The following AFF1 variants were observed in gnomAD, a reference collection of about 807,000 sequenced individuals.
AFF1 encodes the protein AF4/FMR2 family member 1.
Under a neutral mutation model 121.7 loss-of-function variants are expected in AFF1, and 48 were observed. The observed-to-expected ratio is 0.39, with a 90% CI of 0.31 to 0.50. The LOEUF (loss-of-function observed/expected upper bound fraction) is 0.50, where lower values mean the gene tolerates loss of function less well. Among genes scored for constraint, AFF1 ranks in the 20% least tolerant of loss-of-function variants. The probability of loss-of-function intolerance (pLI) is 0.76; values close to 1 mark genes in which losing one functional copy is unlikely to be tolerated. For missense variants in AFF1, 1,523 were observed against 1,511.7 expected (o/e 1.01, Z -0.12); for synonymous variants, 613 against 563.0 (o/e 1.09, Z -1.26).
intron 1 of AFF1, chr4:86,936,152 C>T (rs796834313): frequency 2.0e-5 from 3 of 152,288 alleles, no homozygotes; most frequent in African/African-American, 7.2e-5. Flanking sequence ...GGAGATGTGT[C>T]CGAATCTCCC....
rs1357850247 is a variant in AFF1, at chr4:87,136,166, TTTTTC to T, written c.*470_*474del. 1 of 232,834 alleles carries T rather than the reference TTTTTC, an allele frequency of 4.3e-6. No individual in the cohort carries two copies. Among genetic ancestry groups the T allele is most frequent in the African/African-American group, 2.2e-5 (1 of 45,276 alleles). 14.4% of individuals were successfully genotyped at this position (232,834 alleles called of 1,614,324 possible). Reference sequence around the variant, plus strand: ...TGGTAAAGGGTTTTGTGGATGATTTTTTTTCTTTTGAGTTTTGGGAGAAATATTTG... The same window carrying T: ...TGGTAAAGGGTTTTGTGGATGATTTTTTTTGAGTTTTGGGAGAAATATTTG... On this transcript the variant is annotated 3_prime_UTR_variant, in exon 21 of 21. Transcript: ENST00000395146.
chr4:86,935,385 C>CT (rs1286159103), intron 1 of AFF1, 145 bp downstream of exon 1: 1 of 152,268 alleles, frequency 6.6e-6, no homozygotes, highest in Non-Finnish European at 1.5e-5. Context: ...GGCGTTCCCA[C>CT]TTTTCCGGTG....
chr4:87,121,508 C>A (rs994314008), intron 12 of AFF1, among the ~76,000 whole-genome samples: 1 of 152,194 alleles, frequency 6.6e-6, no homozygotes, highest in African/African-American at 2.4e-5. Flanking sequence ...CTGACAAATA[C>A]CGAGTGCCTA....
At chr4:87,115,875 C>T (rs1727072928) in intron 12 of AFF1, among the ~76,000 whole-genome samples, 1 of 151,978 alleles carries the variant, frequency 6.6e-6, no homozygotes, top group Non-Finnish European at 1.5e-5. Context: ...CCTCTGCCTC[C>T]CAAAGTGATG....
At chr4:86,982,487 C>T (rs1281200545) in intron 2 of AFF1, among the ~76,000 whole-genome samples, 1 of 130,174 alleles carries the variant, frequency 7.7e-6, no homozygotes, top group Non-Finnish European at 1.5e-5. Context: ...CCCAGAGTGA[C>T]AGTATTCAGA....
intron 7 of AFF1, 53 bp downstream of exon 7, chr4:87,091,882 CT>C: frequency 1.5e-6 from 2 of 1,335,276 alleles, no homozygotes; most frequent in Non-Finnish European, 2.1e-6. Flanking sequence ...ATAGCTTTTA[CT>C]GTTTAACGTA....
At chr4:86,935,973 T>A (rs1479601724) in intron 1 of AFF1, 1 of 152,064 alleles carries the variant, frequency 6.6e-6, no homozygotes, top group African/African-American at 2.4e-5. Context: ...GTGGAGAGTG[T>A]GAATCACACG....
chr4:87,041,678 G>T (rs1241539473), intron 2 of AFF1, among the ~76,000 whole-genome samples: 1 of 151,598 alleles, frequency 6.6e-6, no homozygotes, highest in Non-Finnish European at 1.5e-5. Context: ...AAAAAAAAAA[G>T]ACACCTTTAT....
intron 4 of AFF1, among the ~76,000 whole-genome samples, chr4:87,060,212 C>T (rs968392376): frequency 6.6e-6 from 1 of 152,118 alleles, no homozygotes; most frequent in Non-Finnish European, 1.5e-5. Context: ...GAGTTCCAGC[C>T]TCATAATTAC....
chr4:87,052,560 G>T (rs1396087533), intron 4 of AFF1, among the ~76,000 whole-genome samples: 3 of 152,124 alleles, frequency 2.0e-5, no homozygotes, highest in African/African-American at 7.2e-5. Context: ...GCCGTGAAAG[G>T]CATTTGGGTA....
chr4:87,081,152 A>ATTTTTTTTTTTTTTTTTT (rs549510832), intron 4 of AFF1, among the ~76,000 whole-genome samples: 2 of 89,718 alleles, frequency 2.2e-5, no homozygotes, highest in African/African-American at 8.8e-5. Flanking sequence ...AATGAAATGA[A>ATTTTTTTTTTTTTTTTTT]TTTTTTTTTT....
At chr4:86,991,148 AAAC>A (rs1191621810) in intron 2 of AFF1, among the ~76,000 whole-genome samples, 1 of 148,884 alleles carries the variant, frequency 6.7e-6, no homozygotes, top group African/African-American at 2.5e-5. Context: ...TCAAAACAAA[AAAC>A]AAAACAAAAA....
chr4:87,068,257 G>GCGCCC (rs1553925971), intron 4 of AFF1, among the ~76,000 whole-genome samples: 1 of 120,132 alleles, frequency 8.3e-6, no homozygotes, highest in Non-Finnish European at 1.7e-5. Flanking sequence ...CATGAAAATT[G>GCGCCC]CCCCCCCCCC....
rs1170458859 is a variant in AFF1 at position 86,956,490 on chromosome 4, TAC to T, written c.38+7921_38+7922del. On this transcript the variant is annotated intron_variant, in intron 2 of 20. Transcript: ENST00000395146. ...TGTAATTTACAAGCTATTTTAAGTATACAGTTTAATTTTTAGTAACTTTACTG... is the reference window on the plus strand; with the variant it reads ...TGTAATTTACAAGCTATTTTAAGTATAGTTTAATTTTTAGTAACTTTACTG... Among the ~76,000 whole-genome samples, 4 of 152,334 alleles carry T rather than the reference TAC, an allele frequency of 2.6e-5. No homozygotes were observed. In the East Asian group the frequency reaches 5.8e-4, roughly 22 times the overall value.
intron 2 of AFF1, among the ~76,000 whole-genome samples, chr4:87,041,693 G>A (rs1454197722): frequency 6.6e-6 from 1 of 151,870 alleles, no homozygotes; most frequent in Non-Finnish European, 1.5e-5. Context: ...CTTTATTAAA[G>A]TGACAGTTAA....
At chr4:87,025,261 C>T (rs1728410890) in intron 2 of AFF1, among the ~76,000 whole-genome samples, 1 of 152,214 alleles carries the variant, frequency 6.6e-6, no homozygotes, top group African/African-American at 2.4e-5. Context: ...TTATTGAACA[C>T]TAGGCACTGG....
At chr4:87,058,068 T>G (rs1440509467) in intron 4 of AFF1, among the ~76,000 whole-genome samples, 1 of 152,160 alleles carries the variant, frequency 6.6e-6, no homozygotes, top group African/African-American at 2.4e-5. Flanking sequence ...CCAAAGCACT[T>G]ATTTGTTTCT....
At chr4:87,057,395 C>T (rs1487527391) in intron 4 of AFF1, among the ~76,000 whole-genome samples, 1 of 152,182 alleles carries the variant, frequency 6.6e-6, no homozygotes, top group Non-Finnish European at 1.5e-5. Context: ...ACAGCTTGGG[C>T]TTATAATTCT....
At chr4:87,085,791 C>T (rs910724335) in intron 5 of AFF1, among the ~76,000 whole-genome samples, 1 of 150,316 alleles carries the variant, frequency 6.7e-6, no homozygotes, top group African/African-American at 2.5e-5. Context: ...CTCTGTCGCT[C>T]AGGCTGGGCG....
Sources: gnomAD v4.1 joint callset for allele counts (sites outside exome capture counted in the v4.1 genomes callset) on GRCh38, gnomAD v4.1.1 for gene constraint, MANE v1.5 for transcripts, NCBI Gene and HGNC (gene_info 2026-07-23, HGNC 2026-07-21) for gene names.